TTN: variants seen among roughly 807,000 people sequenced by gnomAD.
TTN encodes connectin.
TTN carries 1,525 observed loss-of-function variants against 3,223.0 expected under a neutral mutation model. That is an observed-to-expected ratio of 0.47 (90% CI 0.45 to 0.49). The LOEUF (loss-of-function observed/expected upper bound fraction) is 0.49. Among genes scored for constraint, TTN ranks in the 20% least tolerant of loss-of-function variants. The probability of loss-of-function intolerance (pLI) is 0.00; values close to 1 mark genes in which losing one functional copy is unlikely to be tolerated. For synonymous variants in TTN, 14,094 were observed against 15,161.0 expected (o/e 0.93, Z 5.17); for missense variants, 40,786 against 43,424.0 (o/e 0.94, Z 5.40).
In TTN at chr2:178,568,801, C is replaced by T; in HGVS notation, c.77331G>A (p.Lys25777=). The change falls in exon 326 of 363, where the codon AAG becomes AAA. Residue 25777 remains lysine (K), a synonymous_variant. Transcript: ENST00000589042. The part of the protein sequence containing the change: ...YLFRVVAVNE[K]GRSDPRSLAV... ...CAAGGGACCGAGGATCACTTCTCCC[C>T]TTTTCATTTACAGCAACAACTCTAA... 2 of 1,613,176 alleles carry T rather than the reference C, an allele frequency of 1.2e-6. No homozygotes were observed. The highest frequency in any genetic ancestry group is 8.5e-7 in the Non-Finnish European group (1 of 1,179,506).
Position 178,776,043 on chromosome 2 carries a change from T to C in TTN, c.5821A>G (p.Arg1941Gly), listed in dbSNP as rs1219075949. The change falls in exon 28 of 363, where the codon AGA becomes GGA. Residue 1941 changes from arginine (R) to glycine (G), a missense_variant. Physicochemically the swap from Arg to Gly is moderately radical, Grantham distance 125. Coordinates refer to ENST00000589042, the MANE Select transcript of TTN (RefSeq NM_001267550.2). ...QREDFRSVLRRAPEPRPEFHV... is the reference protein window; with the variant it reads ...QREDFRSVLRGAPEPRPEFHV... Reference sequence around the variant, plus strand: ...AACTCAGGCCTTGGTTCAGGAGCTCTCCTAAGGACAGACCTAAAATCTTCC... The same window carrying C: ...AACTCAGGCCTTGGTTCAGGAGCTCCCCTAAGGACAGACCTAAAATCTTCC... 6.2e-7 allele frequency: 1 copy of C among 1,614,174 alleles called. No individual in the cohort carries two copies. The highest frequency in any genetic ancestry group is 1.1e-5 in the South Asian group (1 of 91,088).
intron 171 of TTN, 44 bp downstream of exon 171, chr2:178,663,583 C>G: frequency 1.9e-6 from 3 of 1,613,388 alleles, no homozygotes; most frequent in Non-Finnish European, 2.5e-6. Context: ...TTTTCCAGAG[C>G]AGAAGAGATA....
In TTN at chr2:178,592,145, G is replaced by A; in HGVS notation, c.59759C>T (p.Ala19920Val). The A allele has an allele frequency of 6.2e-7, 1 of 1,612,764 alleles. No homozygotes were observed. Among genetic ancestry groups the A allele is most frequent in the East Asian group, 2.2e-5 (1 of 44,580 alleles). The change falls in exon 302 of 363, where the codon GCC becomes GTC. Residue 19920 changes from alanine to valine, a missense_variant. Physicochemically the swap from Ala to Val is moderately conservative, Grantham distance 64. Transcript: ENST00000589042. The part of the protein sequence containing the change: ...TNYVVERRDV[A>V]SAQWSPLSAT... ...TGAGAGAGGTGACCACTGGGCGCTG[G>A]CAACATCTCTCCTCTCAACCACATA...
In TTN at chr2:178,534,107, A is replaced by G. The variant is rs778786999; in HGVS notation, c.102508T>C (p.Trp34170Arg). ...TCCAGCTGTCGGACGCCAAAGTACC[A>G]AGTCACTTGGGTAGACTGATCATAA... The part of the protein sequence containing the change: ...ENYDQSTQVT[W>R]YFGVRQLENS... Residue 34170 changes from tryptophan to arginine, a missense_variant, in exon 358 of 363, where the codon TGG becomes CGG. Coordinates refer to ENST00000589042, the MANE Select transcript of TTN (RefSeq NM_001267550.2). The G allele has an allele frequency of 6.2e-7, 1 of 1,613,954 alleles. No individual in the cohort carries two copies. Among genetic ancestry groups the G allele is most frequent in the Non-Finnish European group, 8.5e-7 (1 of 1,179,856 alleles).
chr2:178,719,510 C>G (rs1314370582), intron 82 of TTN, 44 bp downstream of exon 82: 1 of 1,588,168 alleles, frequency 6.3e-7, no homozygotes, highest in Non-Finnish European at 8.6e-7. Flanking sequence ...GCCCCTCCAC[C>G]CCCTGGAAAT....
rs757204949 is a variant in TTN at position 178,739,531 on chromosome 2, C to T, written c.13702G>A (p.Glu4568Lys). 4 of 1,613,714 alleles carry T rather than the reference C, an allele frequency of 2.5e-6. No individual in the cohort carries two copies. Among genetic ancestry groups the T allele is most frequent in the African/African-American group, 1.3e-5 (1 of 74,916 alleles). ...TTTTCCTCTGATGGTTTCAGACTCTCATCTTGTTTTTCGTCAGAGACAACA... is the reference window on the plus strand; with the variant it reads ...TTTTCCTCTGATGGTTTCAGACTCTTATCTTGTTTTTCGTCAGAGACAACA... ...SAVVSDEKQD[E>K]SLKPSEEKEE... The change falls in exon 48 of 363, where the codon GAG becomes AAG. Residue 4568 changes from glutamate (E) to lysine (K), a missense_variant. Physicochemically the swap from Glu to Lys is moderately conservative, Grantham distance 56. Coordinates refer to ENST00000589042, the MANE Select transcript of TTN (RefSeq NM_001267550.2).
intron 48 of TTN, 141 bp from the exon 49 acceptor site, chr2:178,738,501 A>C (rs934713890): frequency 9.6e-7 from 1 of 1,043,092 alleles, no homozygotes. Flanking sequence ...AAGGCAAGTG[A>C]CTGGAAAATG....
chr2:178,778,860 A>G lies in TTN; in HGVS notation c.4208+14T>C. The G allele has an allele frequency of 1.2e-6, 2 of 1,613,750 alleles. No homozygotes were observed. The highest frequency in any genetic ancestry group is 1.7e-6 in the Non-Finnish European group (2 of 1,179,800). The stretch of plus-strand genomic sequence containing the variant: ...ATTTACATACTAAATAACCCAAATT[A>G]TTACAAGTCTTACCTGATTCTGCTC... On this transcript the variant is annotated intron_variant, in intron 24 of 362. Transcript: ENST00000589042.
At chr2:178,768,428 A>G (rs773048411) in intron 38 of TTN, among the ~76,000 whole-genome samples, 20 of 152,180 alleles carry the variant, frequency 1.3e-4, no homozygotes, top group Admixed American at 1.3e-3. Flanking sequence ...TATCTTGGAC[A>G]TTTCATATAA....
In TTN at chr2:178,558,124, G is replaced by A. The variant is rs763627957; in HGVS notation, c.87230C>T (p.Thr29077Ile). 4.3e-6 allele frequency: 7 copies of A among 1,613,848 alleles called. No individual in the cohort carries two copies. Among genetic ancestry groups the A allele is most frequent in the Non-Finnish European group, 5.1e-6 (6 of 1,179,822 alleles). ...PISGKPLPKV[T>I]LSRDGVPLKA... ...AAGGGGGACACCATCTCTTGATAAG[G>A]TCACTTTGGGAAGTGGTTTTCCAGA... Residue 29077 changes from threonine to isoleucine, a missense_variant, in exon 328 of 363, where the codon ACC becomes ATC. Thr to Ile is a moderately conservative substitution (Grantham distance 89). Transcript: ENST00000589042.
chr2:178,647,234 T>C, intron 214 of TTN, 90 bp from the exon 215 acceptor site: 1 of 1,143,806 alleles, frequency 8.7e-7, no homozygotes. Context: ...TTACATTAAG[T>C]AACACTCTAT....
intron 129 of TTN, 107 bp from the exon 130 acceptor site, chr2:178,685,096 G>A (rs1241669241): frequency 5.2e-6 from 6 of 1,161,678 alleles, no homozygotes; most frequent in South Asian, 4.3e-5. Context: ...ATATACAAAC[G>A]TTAATGACTA....
chr2:178,678,218 T>C lies in TTN; in HGVS notation c.33911-10A>G. ...TTGGGCACCTCTGGCACTTTAAAGA[T>C]ATTATTTATATTTAGGAATATGTTC... On this transcript the variant is annotated splice_polypyrimidine_tract_variant and intron_variant, in intron 144 of 362. Transcript: ENST00000589042. 6.3e-7 allele frequency: 1 copy of C among 1,592,574 alleles called. No homozygotes were observed.
chr2:178,669,394 A>G lies in TTN; in HGVS notation c.35524T>C (p.Ser11842Pro). The stretch of plus-strand genomic sequence containing the variant: ...TCACTGTACATCTCTGTGTCTTCAG[A>G]AATAACAATAGGTGATTTTTCTTCT... ...VQEEKSPIVISEDTEMYIYEA... is the reference protein window; with the variant it reads ...VQEEKSPIVIPEDTEMYIYEA... The change falls in exon 159 of 363, where the codon TCT becomes CCT. Residue 11842 changes from serine to proline, a missense_variant. Physicochemically the swap from Ser to Pro is moderately conservative, Grantham distance 74 (BLOSUM62 -1). Transcript: ENST00000589042. The G allele has an allele frequency of 6.6e-7, 1 of 1,520,082 alleles. No individual in the cohort carries two copies. Among genetic ancestry groups the G allele is most frequent in the Non-Finnish European group, 8.7e-7 (1 of 1,145,630 alleles). 94.2% of individuals were successfully genotyped at this position (1,520,082 alleles called of 1,614,324 possible). A position where few individuals can be genotyped will look rare whatever the true frequency, so the allele number is the denominator to read the frequency against.
intron 99 of TTN, among the ~76,000 whole-genome samples, chr2:178,708,727 C>T (rs2742334): frequency 0.045 from 6,833 of 152,180 alleles, 247 homozygotes; most frequent in East Asian, 0.19. Flanking sequence ...AGTGGTGAAA[C>T]TGGAATTTTA....
rs144319649 is a variant in TTN at position 178,538,678 on chromosome 2, C to T, written c.99151G>A (p.Glu33051Lys). 25 of 1,613,776 alleles carry T rather than the reference C, an allele frequency of 1.5e-5. No homozygotes were observed. In the East Asian group the frequency reaches 4.7e-4, roughly 30 times the overall value. Residue 33051 changes from glutamate to lysine, a missense_variant, in exon 354 of 363, where the codon GAA (glutamate) becomes AAA (lysine). Glu to Lys is a moderately conservative substitution (Grantham distance 56). Transcript: ENST00000589042. Reference sequence around the variant, plus strand: ...GTGAATTGCTTGTCCTTAATACGTTCCTTATTGCTCTTCTTCCAGGCACTG... The same window carrying T: ...GTGAATTGCTTGTCCTTAATACGTTTCTTATTGCTCTTCTTCCAGGCACTG... ...GDSAWKKSNKERIKDKQFTIG... is the reference protein window; with the variant it reads ...GDSAWKKSNKKRIKDKQFTIG...
Position 178,602,373 on chromosome 2 carries a change from C to T in TTN, c.55029G>A (p.Arg18343=), listed in dbSNP as rs62178963. 0.01 allele frequency: 16,321 copies of T among 1,612,836 alleles called. 102 individuals carry two copies. Among genetic ancestry groups the T allele is most frequent in the Non-Finnish European group, 0.012 (14,548 of 1,179,310 alleles). ...CAGCTTTCACTCTGAATCTGTACTTCCTGAGCTCTTTCAGATTAGGCACCA... is the reference window on the plus strand; with the variant it reads ...CAGCTTTCACTCTGAATCTGTACTTTCTGAGCTCTTTCAGATTAGGCACCA... The part of the protein sequence containing the change: ...ECVVPNLKEL[R]KYRFRVKAVN... Residue 18343 remains arginine (R), a synonymous_variant, in exon 283 of 363, where the codon AGG becomes AGA. Transcript: ENST00000589042.
intron 321 of TTN, 104 bp downstream of exon 321, chr2:178,578,507 A>T (rs751262705): frequency 2.3e-6 from 2 of 858,492 alleles, no homozygotes; most frequent in Non-Finnish European, 3.7e-6. Context: ...ACATTTCTGT[A>T]TAAGCAGATA....
chr2:178,559,508 G>T lies in TTN; in HGVS notation c.86624C>A (p.Ala28875Glu), dbSNP rs1702816828. 6.2e-7 allele frequency: 1 copy of T among 1,613,724 alleles called. No individual in the cohort carries two copies. The change falls in exon 326 of 363, where the codon GCA becomes GAA. Residue 28875 changes from alanine (A) to glutamate (E), a missense_variant. Ala to Glu is a moderately radical substitution (Grantham distance 107). Transcript: ENST00000589042. Reference sequence around the variant, plus strand: ...TTCTATGTGGTAATTCTTCACTGGTGCTCCACCATCGTTTTCAGGAACATC... The same window carrying T: ...TTCTATGTGGTAATTCTTCACTGGTTCTCCACCATCGTTTTCAGGAACATC... ...SWDVPENDGG[A>E]PVKNYHIEKR...
Sources: gnomAD v4.1 joint callset for allele counts (sites outside exome capture counted in the v4.1 genomes callset) on GRCh38, gnomAD v4.1.1 for gene constraint, MANE v1.5 for transcripts, NCBI Gene and HGNC (gene_info 2026-07-23, HGNC 2026-07-21) for gene names.